Variants in HMBOX1 observed in about 807,000 individuals in gnomAD.
HMBOX1 encodes the protein homeobox-containing protein 1.
Under a neutral mutation model 54.5 loss-of-function variants are expected in HMBOX1, and 14 were observed. That is an observed-to-expected ratio of 0.26 (90% CI 0.17 to 0.40). The LOEUF (loss-of-function observed/expected upper bound fraction) is 0.40. Among genes scored for constraint, HMBOX1 ranks in the 10% least tolerant of loss-of-function variants. HMBOX1 has a pLI of 1.00. For synonymous variants in HMBOX1, 160 were observed against 181.0 expected, an observed-to-expected ratio of 0.88 and a Z score of 0.93; for missense variants, 332 against 514.4, an observed-to-expected ratio of 0.65 and a Z score of 3.43.
At chr8:29,014,798 G>A (rs1474643939) in intron 5 of HMBOX1, among the ~76,000 whole-genome samples, 1 of 151,954 alleles carries the variant, frequency 6.6e-6, no homozygotes, top group Non-Finnish European at 1.5e-5. Context: ...TCCTGCCTCG[G>A]CCTCCTGAGT....
At chr8:29,024,261 G>T (rs1801665296) in intron 6 of HMBOX1, among the ~76,000 whole-genome samples, 1 of 152,102 alleles carries the variant, frequency 6.6e-6, no homozygotes. Context: ...TAACATTTTG[G>T]GTGCATTCAG....
Position 28,915,881 on chromosome 8 carries a change from A to T in HMBOX1, c.-58+25203A>T, listed in dbSNP as rs1443310085. On this transcript the variant is annotated intron_variant, in intron 1 of 9. Transcript: ENST00000287701. ...GTGCCTGGCAAAATTAATTTTAATA[A>T]CAGGTTTTATTTAACTCAGTATTTC... 4 of 152,120 alleles carry T rather than the reference A, an allele frequency of 2.6e-5. No individual in the cohort carries two copies. In the South Asian group the frequency reaches 8.3e-4, roughly 32 times the overall value. 9.4% of individuals were successfully genotyped at this position (152,120 alleles called of 1,614,324 possible).
chr8:28,919,302 T>G (rs946631843), intron 1 of HMBOX1, among the ~76,000 whole-genome samples: 3 of 152,212 alleles, frequency 2.0e-5, no homozygotes, highest in Non-Finnish European at 4.4e-5. Context: ...AACACTGTAT[T>G]TATTTCAGTA....
chr8:28,939,245 C>T (rs1054788587), intron 1 of HMBOX1, among the ~76,000 whole-genome samples: 3 of 150,536 alleles, frequency 2.0e-5, no homozygotes, highest in African/African-American at 4.9e-5. Context: ...GCCGAGATTG[C>T]ACCATTGCAC....
At chr8:28,992,576 A>T (rs550753034) in intron 4 of HMBOX1, among the ~76,000 whole-genome samples, 2 of 152,226 alleles carry the variant, frequency 1.3e-5, no homozygotes, top group African/African-American at 2.4e-5. Flanking sequence ...CCTTTGGAAG[A>T]GTATACAATG....
chr8:28,965,058 C>T (rs1458113629), intron 2 of HMBOX1, among the ~76,000 whole-genome samples: 1 of 152,164 alleles, frequency 6.6e-6, no homozygotes, highest in Non-Finnish European at 1.5e-5. Context: ...GTTAAGACGT[C>T]TAATGGCTAT....
At chr8:29,042,945 A>G (rs1363726197) in intron 6 of HMBOX1, among the ~76,000 whole-genome samples, 2 of 152,246 alleles carry the variant, frequency 1.3e-5, no homozygotes, top group African/African-American at 4.8e-5. Flanking sequence ...ATAGGTAAAT[A>G]CAAAGTTGAC....
chr8:28,902,029 C>CA (rs1464664419), intron 1 of HMBOX1, among the ~76,000 whole-genome samples: 1 of 152,176 alleles, frequency 6.6e-6, no homozygotes, highest in Admixed American at 6.6e-5. Flanking sequence ...TTTACATACT[C>CA]AATCATTATT....
In HMBOX1 at chr8:28,981,337, C is replaced by T. The variant is rs577134705; in HGVS notation, c.586+1181C>T. Among the ~76,000 whole-genome samples the T allele has an allele frequency of 5.9e-5, 9 of 151,988 alleles. 1 individual carries two copies. The highest frequency in any genetic ancestry group is 4.1e-4 in the South Asian group (2 of 4,822). ...AGAAGTCTTATACCAAAGGACAGTG[C>T]GTTAGTTTAATTGTTGTAGTATTTA... On this transcript the variant is annotated intron_variant, in intron 4 of 9. Transcript: ENST00000287701.
intron 1 of HMBOX1, among the ~76,000 whole-genome samples, chr8:28,911,197 G>A (rs545196429): frequency 6.6e-6 from 1 of 152,196 alleles, no homozygotes; most frequent in South Asian, 2.1e-4. Flanking sequence ...ATGTTAGGAA[G>A]CTCTTAGAAT....
In HMBOX1 at chr8:28,958,375, A is replaced by C. The variant is rs552818340; in HGVS notation, c.-57-5436A>C. Among the ~76,000 whole-genome samples, 240 of 152,258 alleles carry C rather than the reference A, an allele frequency of 1.6e-3. 2 individuals are homozygous for C. The highest frequency in any genetic ancestry group is 5.6e-3 in the African/African-American group (231 of 41,566). On this transcript the variant is annotated intron_variant, in intron 1 of 9. Transcript: ENST00000287701. ...TTTTATTCCAATATTTTTGCCAGTT[A>C]ATTCTTTTCTGTCTTACCATTTTTC...
intron 4 of HMBOX1, among the ~76,000 whole-genome samples, chr8:29,001,270 CCAGA>C (rs1324171272): frequency 3.9e-5 from 6 of 152,164 alleles, no homozygotes; most frequent in African/African-American, 9.7e-5. Context: ...GGCATTTTGG[CCAGA>C]CACAGTGGCC....
chr8:28,946,976 T>G (rs1483749894), intron 1 of HMBOX1, among the ~76,000 whole-genome samples: 1 of 152,172 alleles, frequency 6.6e-6, no homozygotes, highest in Non-Finnish European at 1.5e-5. Context: ...ATGGATACTT[T>G]AGAAGATAAA....
rs538794225 is a variant in HMBOX1 at position 28,960,985 on chromosome 8, C to T, written c.-57-2826C>T. Among the ~76,000 whole-genome samples, 3 of 151,552 alleles carry T rather than the reference C, an allele frequency of 2.0e-5. No individual in the cohort carries two copies. The East Asian group carries it at 5.8e-4, about 29-fold the overall frequency. On this transcript the variant is annotated intron_variant, in intron 1 of 9. Coordinates refer to ENST00000287701, the MANE Select transcript of HMBOX1 (RefSeq NM_001135726.3). ...TGTTTTTGGTAGAGACGGGGTTTCA[C>T]CATGTTGGCCAGGATGGTCTCGATC...
intron 1 of HMBOX1, among the ~76,000 whole-genome samples, chr8:28,902,819 G>C (rs147458620): frequency 6.6e-6 from 1 of 152,276 alleles, no homozygotes; most frequent in Non-Finnish European, 1.5e-5. Flanking sequence ...TCCACCTTTT[G>C]ATGGGAGGAG....
intron 4 of HMBOX1, among the ~76,000 whole-genome samples, chr8:28,989,023 A>G (rs1219267356): frequency 6.6e-6 from 1 of 152,306 alleles, no homozygotes; most frequent in East Asian, 1.9e-4. Context: ...CTGTAATCCC[A>G]GCACTTTGGG....
intron 1 of HMBOX1, among the ~76,000 whole-genome samples, chr8:28,903,142 TAC>T (rs778389598): frequency 6.6e-6 from 1 of 152,018 alleles, no homozygotes; most frequent in African/African-American, 2.4e-5. Flanking sequence ...AGCTTTCTTT[TAC>T]ACACACACAC....
chr8:29,007,059 C>T (rs796282612), intron 4 of HMBOX1, among the ~76,000 whole-genome samples: 10 of 152,048 alleles, frequency 6.6e-5, no homozygotes, highest in Admixed American at 1.3e-4. Flanking sequence ...GAGGCTGAGG[C>T]GGGCGGATCA....
chr8:29,016,315 A>G (rs1834991949), intron 5 of HMBOX1, among the ~76,000 whole-genome samples: 1 of 152,238 alleles, frequency 6.6e-6, no homozygotes, highest in Non-Finnish European at 1.5e-5. Context: ...ACAAGAAAAG[A>G]TATAAATGGT....
Sources: allele counts gnomAD v4.1 joint callset (sites outside exome capture counted in the v4.1 genomes callset), GRCh38; gene constraint gnomAD v4.1.1; transcripts MANE v1.5; gene names NCBI Gene and HGNC (gene_info 2026-07-23, HGNC 2026-07-21).